CCDC171: variants seen among roughly 807,000 people sequenced by gnomAD.
CCDC171 encodes the protein coiled-coil domain-containing protein 171.
In CCDC171, 177 loss-of-function variants were observed where a neutral mutation model predicts 168.2. That is an observed-to-expected ratio of 1.05 (90% CI 0.93 to 1.19). The LOEUF (loss-of-function observed/expected upper bound fraction) is 1.19. Ranked by LOEUF, CCDC171 falls within the 50% of genes most tolerant of loss-of-function variation. The pLI is 0.00. For missense variants in CCDC171, 1,991 were observed against 1,539.0 expected, an observed-to-expected ratio of 1.29 and a Z score of -4.91; for synonymous variants, 687 against 540.8, an observed-to-expected ratio of 1.27 and a Z score of -3.75.
chr9:15,755,873 T>G (rs546476942), intron 18 of CCDC171, among the ~76,000 whole-genome samples: 1 of 152,234 alleles, frequency 6.6e-6, no homozygotes, highest in South Asian at 2.1e-4. Flanking sequence ...TTAAAATTGG[T>G]TGTGGTTATA....
chr9:15,859,833 A>AAGT (rs1324082108), intron 23 of CCDC171, among the ~76,000 whole-genome samples: 2 of 151,020 alleles, frequency 1.3e-5, no homozygotes, highest in African/African-American at 4.9e-5. Flanking sequence ...CTAATTTTTA[A>AAGT]ATTATTATTA....
intron 11 of CCDC171, among the ~76,000 whole-genome samples, chr9:15,721,015 T>G (rs933916296): frequency 2.0e-5 from 3 of 152,206 alleles, no homozygotes; most frequent in Non-Finnish European, 2.9e-5. Flanking sequence ...GGATTAATAC[T>G]TGGAGCTACG....
intron 3 of CCDC171, among the ~76,000 whole-genome samples, chr9:15,996,268 G>A (rs993725150): frequency 6.6e-6 from 1 of 152,126 alleles, no homozygotes; most frequent in Non-Finnish European, 1.5e-5. Flanking sequence ...CATAGGTCTT[G>A]GCCCCATGTG....
chr9:15,734,055 G>A (rs958344637), intron 16 of CCDC171, among the ~76,000 whole-genome samples: 3 of 152,106 alleles, frequency 2.0e-5, no homozygotes, highest in Non-Finnish European at 2.9e-5. Context: ...GATTACAAGC[G>A]TGAGCCACTG....
intron 9 of CCDC171, among the ~76,000 whole-genome samples, chr9:15,673,957 G>A (rs1027124574): frequency 6.6e-6 from 1 of 152,100 alleles, no homozygotes; most frequent in Non-Finnish European, 1.5e-5. Context: ...GGTAGTATTT[G>A]GCTGTGAATC....
At chr9:15,786,015 G>A (rs1402796622) in intron 21 of CCDC171, among the ~76,000 whole-genome samples, 2 of 151,978 alleles carry the variant, frequency 1.3e-5, no homozygotes, top group Non-Finnish European at 2.9e-5. Context: ...GAAAATACAC[G>A]TGAATTTAAA....
chr9:15,727,568 A>G (rs2053886793), intron 14 of CCDC171, among the ~76,000 whole-genome samples: 1 of 152,162 alleles, frequency 6.6e-6, no homozygotes, highest in Non-Finnish European at 1.5e-5. Context: ...AAGGAAACTT[A>G]AGCCTGAGCA....
At chr9:15,664,565 T>TACACACACACACACACACAC (rs1423756698) in intron 8 of CCDC171, among the ~76,000 whole-genome samples, 4 of 4,940 alleles carry the variant, frequency 8.1e-4, no homozygotes, top group Non-Finnish European at 1.8e-3. Context: ...CCCTTAAATT[T>TACACACACACACACACACAC]ATACACACAC....
the CCDC171 span, among the ~76,000 whole-genome samples, chr9:16,078,522 T>G: frequency 6.6e-6 from 1 of 152,202 alleles, no homozygotes. Context: ...CCTCTGCTGA[T>G]GGGGCTTCTC....
chr9:15,810,727 G>A (rs114039155), intron 21 of CCDC171, among the ~76,000 whole-genome samples: 2,719 of 152,276 alleles, frequency 0.018, 96 homozygotes, highest in African/African-American at 0.062. Context: ...ACGCCCACCC[G>A]GAACTCGCGC....
intron 18 of CCDC171, among the ~76,000 whole-genome samples, chr9:15,760,666 T>C (rs2056393371): frequency 6.6e-6 from 1 of 152,220 alleles, no homozygotes; most frequent in Non-Finnish European, 1.5e-5. Context: ...TAATGGGACC[T>C]GCATATTACT....
chr9:16,086,726 G>A, the CCDC171 span, among the ~76,000 whole-genome samples: 3 of 151,982 alleles, frequency 2.0e-5, no homozygotes, highest in East Asian at 1.9e-4. Context: ...GTTTGGCTCC[G>A]ATCTTAGTTA....
intron 3 of CCDC171, among the ~76,000 whole-genome samples, chr9:16,008,964 C>A (rs1310973392): frequency 6.6e-6 from 1 of 152,056 alleles, no homozygotes; most frequent in African/African-American, 2.4e-5. Context: ...CCAGTCCAGG[C>A]CCCCAACACT....
chr9:15,822,883 C>T (rs752091764), intron 21 of CCDC171, among the ~76,000 whole-genome samples: 11 of 152,112 alleles, frequency 7.2e-5, no homozygotes, highest in African/African-American at 2.7e-4. Context: ...GACACATGCA[C>T]ACGTATGTCT....
the CCDC171 span, among the ~76,000 whole-genome samples, chr9:16,078,711 G>A: frequency 2.0e-5 from 3 of 152,024 alleles, no homozygotes; most frequent in Non-Finnish European, 4.4e-5. Flanking sequence ...CATGACCCCA[G>A]GATAAAAGCT....
chr9:16,054,583 C>G (rs181175726), intron 1 of CCDC171, among the ~76,000 whole-genome samples: 4 of 152,292 alleles, frequency 2.6e-5, no homozygotes, highest in Admixed American at 2.0e-4. Context: ...CTGTGACAGG[C>G]CTCCTACCTG....
chr9:15,564,266 A>C lies in CCDC171; in HGVS notation c.41+137A>C, dbSNP rs1377131558. On this transcript the variant is annotated intron_variant, in intron 2 of 25. Transcript: ENST00000380701. ...AGTAGAAATTCTGTGGGACTGAAGGAGCATGAATGAAGCCTCATAAGAATT... is the reference window on the plus strand; with the variant it reads ...AGTAGAAATTCTGTGGGACTGAAGGCGCATGAATGAAGCCTCATAAGAATT... 5.0e-6 allele frequency: 3 copies of C among 596,988 alleles called. No individual in the cohort carries two copies. In the African/African-American group the frequency reaches 5.7e-5, roughly 11 times the overall value. The allele number at this position is 596,988 out of a possible 1,614,324, so 37.0% of individuals were successfully genotyped here. A position where few individuals can be genotyped will look rare whatever the true frequency, so the allele number is the denominator to read the frequency against.
intron 1 of CCDC171, among the ~76,000 whole-genome samples, chr9:16,046,043 T>G (rs1255632028): frequency 6.6e-6 from 1 of 152,228 alleles, no homozygotes; most frequent in Non-Finnish European, 1.5e-5. Flanking sequence ...CTTATTAACC[T>G]ATTTTACACA....
At position 15,724,967 on chromosome 9, in the gene CCDC171, G is replaced by A. The variant is rs1446985627; in HGVS notation, c.1683G>A (p.Lys561=). 3 of 1,613,386 alleles carry A rather than the reference G, an allele frequency of 1.9e-6. No individual in the cohort carries two copies. Among genetic ancestry groups the A allele is most frequent in the East Asian group, 4.5e-5 (2 of 44,858 alleles). Residue 561 remains lysine (K), a synonymous_variant, in exon 14 of 26, where the codon AAG becomes AAA. Transcript: ENST00000380701. ...ELQKLSQAFH[K]DAEEKLTFLH... is the part of the protein sequence containing the mutation. The stretch of plus-strand genomic sequence containing the variant: ...AGAAGCTTTCCCAGGCTTTCCATAA[G>A]GATGCAGAGGTATTACCTGAGACTC...
Sources: allele counts gnomAD v4.1 joint callset (sites outside exome capture counted in the v4.1 genomes callset), GRCh38; gene constraint gnomAD v4.1.1; transcripts MANE v1.5; gene names NCBI Gene and HGNC (gene_info 2026-07-23, HGNC 2026-07-21).